EFL1: variants seen among roughly 807,000 people sequenced by gnomAD.
The protein encoded by EFL1 is elongation factor like GTPase 1, also known as elongation factor-like GTPase 1.
A neutral mutation model predicts 126.7 loss-of-function variants in EFL1; 76 were observed. The observed-to-expected ratio is 0.60, with a 90% CI of 0.50 to 0.73. The LOEUF (loss-of-function observed/expected upper bound fraction) is 0.73, where lower values mean the gene tolerates loss of function less well. EFL1 is among the 30% of genes least tolerant of loss of function. EFL1 has a pLI of 0.00. For missense variants in EFL1, 1,128 were observed against 1,343.2 expected (o/e 0.84, Z 2.50); for synonymous variants, 410 against 448.4 (o/e 0.91, Z 1.08).
intron 7 of EFL1, among the ~76,000 whole-genome samples, chr15:82,232,449 T>C (rs1476313959): frequency 2.0e-5 from 3 of 152,250 alleles, no homozygotes; most frequent in Admixed American, 1.3e-4. Context: ...ATATGGTTCA[T>C]GTTCCTGTCT....
chr15:82,147,597 G>C (rs898900375), intron 18 of EFL1, among the ~76,000 whole-genome samples: 3 of 142,184 alleles, frequency 2.1e-5, no homozygotes, highest in African/African-American at 8.0e-5. Flanking sequence ...AGCTGAGATT[G>C]TGCCACTGCA....
intron 1 of EFL1, chr15:82,262,276 AT>A (rs1348723612): frequency 6.4e-6 from 1 of 155,372 alleles, no homozygotes; most frequent in Non-Finnish European, 1.4e-5. Flanking sequence ...ATTCCTGCCC[AT>A]GGAGCCCGAA....
chr15:82,166,683 T>A (rs1476605886), intron 15 of EFL1, among the ~76,000 whole-genome samples: 1 of 152,194 alleles, frequency 6.6e-6, no homozygotes, highest in East Asian at 1.9e-4. Context: ...GCAAGTACCA[T>A]CTTGAAAAAG....
chr15:82,187,266 A>T (rs1286490622), intron 15 of EFL1, among the ~76,000 whole-genome samples: 1 of 152,176 alleles, frequency 6.6e-6, no homozygotes, highest in African/African-American at 2.4e-5. Flanking sequence ...AGCGAAAACA[A>T]ATATTGTAAA....
At chr15:82,159,154 T>TG (rs898183590) in intron 16 of EFL1, among the ~76,000 whole-genome samples, 1 of 143,688 alleles carries the variant, frequency 7.0e-6, no homozygotes, top group Non-Finnish European at 1.6e-5. Flanking sequence ...ATACTGTAAT[T>TG]TTTTTTTTGT....
chr15:82,225,374 A>T (rs544616168), intron 11 of EFL1, 110 bp from the exon 12 acceptor site: 60 of 745,564 alleles, frequency 8.0e-5, no homozygotes, highest in Admixed American at 1.1e-4. Context: ...GCATCATCAA[A>T]ATACACCAGA....
At chr15:82,132,528 G>A (rs2073662556) in intron 19 of EFL1, among the ~76,000 whole-genome samples, 1 of 136,732 alleles carries the variant, frequency 7.3e-6, no homozygotes, top group East Asian at 2.4e-4. Context: ...AAGGCAGACA[G>A]TAGAAGTGAG....
chr15:82,161,119 G>C (rs551854418), intron 16 of EFL1, among the ~76,000 whole-genome samples: 1 of 151,926 alleles, frequency 6.6e-6, no homozygotes, highest in East Asian at 1.9e-4. Context: ...AAATGCTCAC[G>C]ATTTGCTTCT....
chr15:82,216,801 C>T (rs1022331351), intron 14 of EFL1, among the ~76,000 whole-genome samples: 1 of 151,954 alleles, frequency 6.6e-6, no homozygotes, highest in Admixed American at 6.6e-5. Context: ...ATACAAAAAG[C>T]AAAACCCATA....
intron 12 of EFL1, among the ~76,000 whole-genome samples, chr15:82,224,132 T>C (rs1334832753): frequency 2.6e-5 from 4 of 152,156 alleles, no homozygotes; most frequent in African/African-American, 2.4e-5. Context: ...CGAAACATGG[T>C]TTGGGGTCAG....
chr15:82,168,331 T>C (rs2074099794), intron 15 of EFL1, among the ~76,000 whole-genome samples: 1 of 152,194 alleles, frequency 6.6e-6, no homozygotes, highest in Non-Finnish European at 1.5e-5. Flanking sequence ...CAGTATTGCT[T>C]AGCTAAGGTT....
chr15:82,200,995 C>T (rs2141281437), intron 15 of EFL1, among the ~76,000 whole-genome samples: 1 of 152,292 alleles, frequency 6.6e-6, no homozygotes, highest in East Asian at 1.9e-4. Flanking sequence ...CAATCTTCCA[C>T]CTGGGTAGCT....
At chr15:82,203,795 T>C (rs2074496544) in intron 15 of EFL1, among the ~76,000 whole-genome samples, 1 of 152,242 alleles carries the variant, frequency 6.6e-6, no homozygotes, top group African/African-American at 2.4e-5. Flanking sequence ...TTCACGAATG[T>C]ATAATATTCC....
intron 12 of EFL1, among the ~76,000 whole-genome samples, chr15:82,221,103 G>A (rs2074707305): frequency 3.3e-5 from 5 of 152,138 alleles, no homozygotes; most frequent in Admixed American, 2.6e-4. Context: ...TCTGGGAAGT[G>A]AACATCAAAG....
Position 82,163,876 on chromosome 15 carries a change from A to G in EFL1, c.1859T>C (p.Val620Ala). Reference protein sequence around the residue: ...LNFEATPIVRVAVEPKHPSEM... With the variant: ...LNFEATPIVRAAVEPKHPSEM... ...ACTTGGATGTTTTGGTTCAACAGCA[A>G]CTCTCACAATAGGAGTGGCTTCGAA... The change falls in exon 16 of 20, where the codon GTT becomes GCT. Residue 620 changes from valine to alanine, a missense_variant. Val to Ala is a moderately conservative substitution (Grantham distance 64, BLOSUM62 0). This residue lies in a region of EFL1 where 561 missense variants were observed against 641.7 expected (regional missense o/e 0.87). Coordinates refer to ENST00000268206, the MANE Select transcript of EFL1 (RefSeq NM_024580.6). The G allele has an allele frequency of 6.2e-7, 1 of 1,614,098 alleles. No individual in the cohort carries two copies. Among genetic ancestry groups the G allele is most frequent in the Non-Finnish European group, 8.5e-7 (1 of 1,179,986 alleles).
chr15:82,144,492 G>A (rs1040579450), intron 18 of EFL1, among the ~76,000 whole-genome samples: 1 of 152,066 alleles, frequency 6.6e-6, no homozygotes, highest in Non-Finnish European at 1.5e-5. Context: ...TTCTCATAAA[G>A]CTTCCCTAGA....
At chr15:82,241,907 A>G (rs532856369) in intron 4 of EFL1, among the ~76,000 whole-genome samples, 90 of 152,330 alleles carry the variant, frequency 5.9e-4, no homozygotes, top group African/African-American at 2.0e-3. Flanking sequence ...CAATTCTACA[A>G]AAACTTAAGG....
At chr15:82,255,544 T>C (rs1255724874) in intron 3 of EFL1, among the ~76,000 whole-genome samples, 4 of 152,238 alleles carry the variant, frequency 2.6e-5, no homozygotes, top group African/African-American at 4.8e-5. Flanking sequence ...TGTTTGCACA[T>C]TTTTGTCTTA....
chr15:82,185,169 CTGTGTGTGTGTGTGTGTGTGTG>C (rs71156029), intron 15 of EFL1, among the ~76,000 whole-genome samples: 10 of 139,882 alleles, frequency 7.1e-5, no homozygotes, highest in South Asian at 4.9e-4. Context: ...TCATGTGTGG[CTGTGTGTGTGTGTGTGTGTGTG>C]TGTGTGTGTG....
Sources: allele counts gnomAD v4.1 joint callset (sites outside exome capture counted in the v4.1 genomes callset), GRCh38; gene constraint gnomAD v4.1.1; regional missense constraint gnomAD v4.1.1; transcripts MANE v1.5; gene names NCBI Gene and HGNC (gene_info 2026-07-23, HGNC 2026-07-21).